ADGRB3: variants seen among roughly 807,000 people sequenced by gnomAD.
The protein encoded by ADGRB3 is brain-specific angiogenesis inhibitor 3.
Under a neutral mutation model 193.4 loss-of-function variants are expected in ADGRB3, and 37 were observed. That is an observed-to-expected ratio of 0.19 (90% confidence interval 0.15 to 0.25). The LOEUF (loss-of-function observed/expected upper bound fraction) is 0.25, where lower values mean the gene tolerates loss of function less well. Among genes scored for constraint, ADGRB3 ranks in the 10% least tolerant of loss-of-function variants. ADGRB3 has a pLI of 1.00. For missense variants in ADGRB3, 1,637 were observed against 1,852.9 expected, an observed-to-expected ratio of 0.88 and a Z score of 2.14; for synonymous variants, 690 against 644.2, an observed-to-expected ratio of 1.07 and a Z score of -1.08.
chr6:69,221,321 A>G (rs1029603466), intron 17 of ADGRB3, among the ~76,000 whole-genome samples: 10 of 152,152 alleles, frequency 6.6e-5, no homozygotes, highest in Non-Finnish European at 1.2e-4. Flanking sequence ...TACAAAATTC[A>G]TTTAAAGACA....
chr6:68,786,676 T>C (rs1310683342), intron 3 of ADGRB3, among the ~76,000 whole-genome samples: 1 of 151,410 alleles, frequency 6.6e-6, no homozygotes, highest in East Asian at 1.9e-4. Context: ...AGTAGTTTTT[T>C]CCAATTCTGT....
intron 3 of ADGRB3, among the ~76,000 whole-genome samples, chr6:68,643,352 C>A (rs370233935): frequency 1.3e-5 from 2 of 151,682 alleles, no homozygotes; most frequent in African/African-American, 4.9e-5. Flanking sequence ...GTTTAATTGT[C>A]CCCATTTCTT....
At chr6:68,922,149 T>C (rs1200291419) in intron 3 of ADGRB3, among the ~76,000 whole-genome samples, 2 of 151,530 alleles carry the variant, frequency 1.3e-5, no homozygotes, top group Non-Finnish European at 2.9e-5. Flanking sequence ...CAATAATGTT[T>C]TTCTATGAAA....
intron 16 of ADGRB3, among the ~76,000 whole-genome samples, chr6:69,074,498 A>C (rs1772169045): frequency 6.8e-6 from 1 of 147,986 alleles, no homozygotes; most frequent in Non-Finnish European, 1.5e-5. Flanking sequence ...TACGGTGTCC[A>C]CCTGTGGAAG....
chr6:68,940,028 A>G (rs1421759341), intron 5 of ADGRB3, among the ~76,000 whole-genome samples: 1 of 152,218 alleles, frequency 6.6e-6, no homozygotes, highest in Non-Finnish European at 1.5e-5. Flanking sequence ...CCATTCACCC[A>G]TATTCAAATT....
chr6:68,794,281 G>T lies in ADGRB3; in HGVS notation c.758-136278G>T, dbSNP rs561290015. Among the ~76,000 whole-genome samples, 7 of 151,944 alleles carry T rather than the reference G, an allele frequency of 4.6e-5. 1 individual carries two copies. The South Asian group carries it at 1.5e-3, about 32-fold the overall frequency. On this transcript the variant is annotated intron_variant, in intron 3 of 31. Coordinates refer to ENST00000370598, the MANE Select transcript of ADGRB3 (RefSeq NM_001704.3). The stretch of plus-strand genomic sequence containing the variant: ...TCCTTTATAGGGAGAGCCATGTGAT[G>T]TTAAGCTCTTCTTAATATTTTGAAT...
chr6:68,683,117 A>G (rs1764925406), intron 3 of ADGRB3, among the ~76,000 whole-genome samples: 1 of 152,134 alleles, frequency 6.6e-6, no homozygotes, highest in South Asian at 2.1e-4. Flanking sequence ...ATAAATAAAT[A>G]TTTTTAAATA....
chr6:68,789,406 A>T (rs1249727606), intron 3 of ADGRB3, among the ~76,000 whole-genome samples: 2 of 151,896 alleles, frequency 1.3e-5, no homozygotes, highest in African/African-American at 4.8e-5. Context: ...TTTCTCCTTC[A>T]CTTATGAAGC....
intron 17 of ADGRB3, among the ~76,000 whole-genome samples, chr6:69,122,347 G>A (rs1409021996): frequency 6.6e-6 from 1 of 151,336 alleles, no homozygotes; most frequent in Non-Finnish European, 1.5e-5. Flanking sequence ...CACTCGGCAG[G>A]CTGAGGCAGG....
intron 17 of ADGRB3, among the ~76,000 whole-genome samples, chr6:69,206,346 C>T (rs958129235): frequency 1.3e-5 from 2 of 151,864 alleles, no homozygotes; most frequent in African/African-American, 4.8e-5. Context: ...GCCTCCCTTT[C>T]CCCGCCCACT....
In ADGRB3 at chr6:69,147,584, A is replaced by T. The variant is rs566176240; in HGVS notation, c.2480+71546A>T. On this transcript the variant is annotated intron_variant, in intron 17 of 31. Transcript: ENST00000370598. The stretch of plus-strand genomic sequence containing the variant: ...AACACATGGTCTGTCCTTGGGAATG[A>T]ACTACATGCAGAGAAGAAGAATGTG... Among the ~76,000 whole-genome samples the T allele has an allele frequency of 1.4e-4, 22 of 152,320 alleles. No individual in the cohort carries two copies. The South Asian group carries it at 4.6e-3, about 32-fold the overall frequency.
At chr6:69,019,512 G>T (rs1770198986) in intron 13 of ADGRB3, among the ~76,000 whole-genome samples, 1 of 151,910 alleles carries the variant, frequency 6.6e-6, no homozygotes, top group African/African-American at 2.4e-5. Context: ...CCTAAGTCCT[G>T]CAGAGACTGA....
At chr6:69,261,791 A>G (rs538994848) in intron 20 of ADGRB3, among the ~76,000 whole-genome samples, 1 of 152,200 alleles carries the variant, frequency 6.6e-6, no homozygotes, top group East Asian at 1.9e-4. Context: ...TGAGCAAAGG[A>G]AAGTTTTATG....
intron 17 of ADGRB3, among the ~76,000 whole-genome samples, chr6:69,209,305 T>C (rs565346012): frequency 1.3e-5 from 2 of 152,326 alleles, no homozygotes; most frequent in East Asian, 1.9e-4. Context: ...CCACTAGGCA[T>C]TGTGCCTCTT....
chr6:69,219,265 A>G (rs1468866639), intron 17 of ADGRB3, among the ~76,000 whole-genome samples: 1 of 151,596 alleles, frequency 6.6e-6, no homozygotes, highest in African/African-American at 2.4e-5. Flanking sequence ...TATCCTAGAT[A>G]GTTGGCTACA....
intron 20 of ADGRB3, among the ~76,000 whole-genome samples, chr6:69,254,911 T>G (rs1160523249): frequency 7.3e-6 from 1 of 136,180 alleles, no homozygotes. Flanking sequence ...CCTGTGTCCA[T>G]GTGTTCTCAT....
At chr6:69,347,569 G>A (rs555630766) in intron 26 of ADGRB3, among the ~76,000 whole-genome samples, 24 of 151,970 alleles carry the variant, frequency 1.6e-4, no homozygotes, top group Admixed American at 5.2e-4. Context: ...TTGAGGCCTG[G>A]ACTTTTAGAC....
chr6:68,797,681 C>T (rs973102217), intron 3 of ADGRB3, among the ~76,000 whole-genome samples: 1 of 152,118 alleles, frequency 6.6e-6, no homozygotes, highest in African/African-American at 2.4e-5. Context: ...AGGGATTTAA[C>T]CACCTCACCA....
At chr6:68,744,014 G>A (rs1766033204) in intron 3 of ADGRB3, among the ~76,000 whole-genome samples, 2 of 151,954 alleles carry the variant, frequency 1.3e-5, no homozygotes, top group Admixed American at 1.3e-4. Flanking sequence ...TTTATTTGTA[G>A]AGTATCATAC....
Sources: gnomAD v4.1 joint callset for allele counts (sites outside exome capture counted in the v4.1 genomes callset) on GRCh38, gnomAD v4.1.1 for gene constraint, MANE v1.5 for transcripts, NCBI Gene and HGNC (gene_info 2026-07-23, HGNC 2026-07-21) for gene names.